The following IGF1R variants were observed in gnomAD, a reference collection of about 807,000 sequenced individuals.
The protein encoded by IGF1R is insulin-like growth factor 1 receptor.
In IGF1R, 44 loss-of-function variants were observed where a neutral mutation model predicts 144.6. The observed-to-expected ratio is 0.30, with a 90% CI of 0.24 to 0.39. The LOEUF is 0.39. IGF1R is among the 10% of genes least tolerant of loss of function. The pLI, the probability that IGF1R is intolerant of heterozygous loss-of-function variation, is 1.00. For synonymous variants in IGF1R, 795 were observed against 722.8 expected, an observed-to-expected ratio of 1.10 and a Z score of -1.60; for missense variants, 1,355 against 1,833.7, an observed-to-expected ratio of 0.74 and a Z score of 4.77.
At chr15:98,909,254 T>TTTTTC (rs1555459635) in intron 6 of IGF1R, among the ~76,000 whole-genome samples, 3 of 118,558 alleles carry the variant, frequency 2.5e-5, no homozygotes, top group African/African-American at 3.5e-5. Flanking sequence ...TTTTTTTCTT[T>TTTTTC]TTTTTTCTTT....
chr15:98,913,333 C>G (rs1394073512), intron 8 of IGF1R, 51 bp downstream of exon 8: 2 of 1,386,114 alleles, frequency 1.4e-6, no homozygotes, highest in Non-Finnish European at 2.1e-6. Context: ...CGCAAGCTCA[C>G]TGGCCTTGCT....
chr15:98,952,879 T>TGAGAAAATTTTTCTCCC (rs2016832858), intron 20 of IGF1R: 1 of 152,190 alleles, frequency 6.6e-6, no homozygotes. Flanking sequence ...TGTTTTCTCC[T>TGAGAAAATTTTTCTCCC]GAGAAAATTT....
rs984312552 is a variant in IGF1R at position 98,891,924 on chromosome 15, A to T, written c.953+287A>T. 6.6e-6 allele frequency among the ~76,000 whole-genome samples: 1 copy of T among 152,200 alleles called. No homozygotes were observed. Among genetic ancestry groups the T allele is most frequent in the Non-Finnish European group, 1.5e-5 (1 of 68,036 alleles). ...GCTGGTTTCGATACCCAGAGTTCATAGTCTCTCTGGGTACTTGCCAAGCTG... is the reference window on the plus strand; with the variant it reads ...GCTGGTTTCGATACCCAGAGTTCATTGTCTCTCTGGGTACTTGCCAAGCTG... On this transcript the variant is annotated intron_variant, in intron 3 of 20. Transcript: ENST00000650285. This position sits in a 1 kb window ranked among gnomAD's most constrained non-coding sequence, Gnocchi z 4.7.
rs150171058 is a variant in IGF1R at position 98,793,807 on chromosome 15, A to G, written c.640+85700A>G. Among the ~76,000 whole-genome samples the G allele has an allele frequency of 3.5e-3, 537 of 152,350 alleles. 4 individuals are homozygous for G. The highest frequency in any genetic ancestry group is 0.011 in the African/African-American group (463 of 41,580). Reference sequence around the variant, plus strand: ...TTATTAAGACCCTTTTATTTCAGCCAAGATAAAACTCCATCCTAAGAGGGA... The same window carrying G: ...TTATTAAGACCCTTTTATTTCAGCCGAGATAAAACTCCATCCTAAGAGGGA... On this transcript the variant is annotated intron_variant, in intron 2 of 20. Coordinates refer to ENST00000650285, the MANE Select transcript of IGF1R (RefSeq NM_000875.5).
chr15:98,851,298 G>A (rs894532059), intron 2 of IGF1R, among the ~76,000 whole-genome samples: 2 of 152,192 alleles, frequency 1.3e-5, no homozygotes, highest in Non-Finnish European at 2.9e-5. Flanking sequence ...GCCAAGGGGT[G>A]GCAGAGAGGC....
Position 98,909,814 on chromosome 15 carries a change from A to T in IGF1R, c.1462+915A>T, listed in dbSNP as rs192102364. Among the ~76,000 whole-genome samples the T allele has an allele frequency of 2.5e-3, 379 of 152,342 alleles. 1 individual carries two copies. The highest frequency in any genetic ancestry group is 4.2e-3 in the Non-Finnish European group (285 of 68,028). On this transcript the variant is annotated intron_variant, in intron 6 of 20. Transcript: ENST00000650285. The stretch of plus-strand genomic sequence containing the variant: ...GAGAACAATATAATTACAGCCTTGT[A>T]CTGTTTATAAAACTTTAAGGTCTCA...
chr15:98,740,134 A>G (rs1189100954), intron 2 of IGF1R, among the ~76,000 whole-genome samples: 1 of 152,238 alleles, frequency 6.6e-6, no homozygotes, highest in Non-Finnish European at 1.5e-5. Context: ...ACTTCGGAAA[A>G]TAAAAGCATT....
intron 7 of IGF1R, among the ~76,000 whole-genome samples, chr15:98,912,385 T>C (rs2015062035): frequency 6.6e-6 from 1 of 152,250 alleles, no homozygotes; most frequent in South Asian, 2.1e-4. Context: ...GTTTTGTTCA[T>C]GTTTGTTTCA....
At chr15:98,792,656 A>G (rs1567131663) in intron 2 of IGF1R, among the ~76,000 whole-genome samples, 1 of 152,324 alleles carries the variant, frequency 6.6e-6, no homozygotes, top group East Asian at 1.9e-4. Flanking sequence ...TCTTTTAAAA[A>G]TGAATATTCC....
intron 15 of IGF1R, among the ~76,000 whole-genome samples, chr15:98,932,065 T>C (rs1438414825): frequency 3.9e-5 from 6 of 152,206 alleles, no homozygotes; most frequent in Non-Finnish European, 8.8e-5. Context: ...CTTTTGACTG[T>C]GAAGTGTCCA....
chr15:98,924,879 T>A (rs1431301291), intron 13 of IGF1R, among the ~76,000 whole-genome samples, 195 bp downstream of exon 13: 1 of 152,174 alleles, frequency 6.6e-6, no homozygotes, highest in African/African-American at 2.4e-5. Flanking sequence ...TGCCGAGCTT[T>A]GGGCTCCTAC....
At chr15:98,786,702 T>C (rs1018836863) in intron 2 of IGF1R, among the ~76,000 whole-genome samples, 13 of 152,228 alleles carry the variant, frequency 8.5e-5, no homozygotes, top group African/African-American at 3.1e-4. Flanking sequence ...CATGTACATT[T>C]TCACTCATAG....
intron 2 of IGF1R, among the ~76,000 whole-genome samples, chr15:98,809,475 G>A (rs3759908): frequency 0.028 from 4,201 of 152,268 alleles, 67 homozygotes; most frequent in Middle Eastern, 0.041. Context: ...AGGGCTCTGG[G>A]CATTGGGAAC....
chr15:98,720,149 T>C (rs567539961), intron 2 of IGF1R, among the ~76,000 whole-genome samples: 1 of 152,280 alleles, frequency 6.6e-6, no homozygotes, highest in South Asian at 2.1e-4. Context: ...CTCCAGTGTA[T>C]CTAAATAAAT....
chr15:98,762,198 A>G (rs72769812), intron 2 of IGF1R, among the ~76,000 whole-genome samples: 8,385 of 152,056 alleles, frequency 0.055, 279 homozygotes, highest in East Asian at 0.12. Context: ...GAAATGAATA[A>G]AAGTTGTTAT....
intron 1 of IGF1R, among the ~76,000 whole-genome samples, chr15:98,675,732 C>T (rs1191874268): frequency 3.3e-5 from 5 of 151,788 alleles, no homozygotes; most frequent in Non-Finnish European, 7.4e-5. Flanking sequence ...AAGATACCTC[C>T]TCCTGTTGAC....
At chr15:98,730,131 A>G (rs541811291) in intron 2 of IGF1R, among the ~76,000 whole-genome samples, 16 of 152,260 alleles carry the variant, frequency 1.1e-4, no homozygotes, top group African/African-American at 3.9e-4. Context: ...AATGAGGCAG[A>G]TCCAAATTCT....
chr15:98,823,521 A>C (rs568467484), intron 2 of IGF1R, among the ~76,000 whole-genome samples: 19 of 152,248 alleles, frequency 1.2e-4, no homozygotes, highest in Non-Finnish European at 2.5e-4. Context: ...CAAAGCATGA[A>C]GACTAATTCA....
In IGF1R at chr15:98,959,754, T is replaced by C; in HGVS notation, c.*2312T>C. 1 of 233,428 alleles carries C rather than the reference T, an allele frequency of 4.3e-6. No homozygotes were observed. Among genetic ancestry groups the C allele is most frequent in the Non-Finnish European group, 8.5e-6 (1 of 118,034 alleles). The allele number at this position is 233,428 out of a possible 1,614,324, so 14.5% of individuals were successfully genotyped here. Reference sequence around the variant, plus strand: ...GGATACGGTGATTGCTAGTTGTGACTGAAGATTCAACACAGAAAAGAAAGT... The same window carrying C: ...GGATACGGTGATTGCTAGTTGTGACCGAAGATTCAACACAGAAAAGAAAGT... On this transcript the variant is annotated 3_prime_UTR_variant, in exon 21 of 21. Transcript: ENST00000650285.
Sources: allele counts gnomAD v4.1 joint callset (sites outside exome capture counted in the v4.1 genomes callset), GRCh38; gene constraint gnomAD v4.1.1; non-coding constraint Gnocchi (gnomAD v3.1); transcripts MANE v1.5; gene names NCBI Gene and HGNC (gene_info 2026-07-23, HGNC 2026-07-21).